ARMH3: variants seen among roughly 807,000 people sequenced by gnomAD.
The protein encoded by ARMH3 is armadillo-like helical domain-containing protein 3.
Under a neutral mutation model 99.1 loss-of-function variants are expected in ARMH3, and 60 were observed. The observed-to-expected ratio is 0.61, with a 90% confidence interval of 0.49 to 0.75. The LOEUF (loss-of-function observed/expected upper bound fraction) is 0.75. Ranked by LOEUF, ARMH3 falls within the 30% of genes least tolerant of loss-of-function variation. The pLI is 0.00. For synonymous variants in ARMH3, 285 were observed against 292.8 expected, an observed-to-expected ratio of 0.97 and a Z score of 0.27; for missense variants, 679 against 843.1, an observed-to-expected ratio of 0.81 and a Z score of 2.41.
intron 1 of ARMH3, among the ~76,000 whole-genome samples, chr10:102,048,548 TC>T (rs2067612853): frequency 6.6e-6 from 1 of 152,174 alleles, no homozygotes; most frequent in Admixed American, 6.5e-5. Context: ...TGCCTCAGCC[TC>T]CCAAGTAGCT....
chr10:102,011,654 G>A (rs1021801251), intron 11 of ARMH3, 69 bp downstream of exon 11: 52 of 1,336,386 alleles, frequency 3.9e-5, no homozygotes, highest in East Asian at 1.7e-4. Context: ...TTCGGAGCCC[G>A]ATTTGTCCAC....
rs867141989 is a variant in ARMH3, at chr10:101,979,561, G to A, written c.1407-4261C>T. ...CTTTATGCAAGGGTCGATTGAAAATGGTCTAAAATTAGTTTGTGGTAATAG... is the reference window on the plus strand; with the variant it reads ...CTTTATGCAAGGGTCGATTGAAAATAGTCTAAAATTAGTTTGTGGTAATAG... On this transcript the variant is annotated intron_variant, in intron 19 of 25. Transcript: ENST00000370033. Among the ~76,000 whole-genome samples the A allele has an allele frequency of 5.3e-4, 81 of 152,064 alleles. No individual in the cohort carries two copies. In the Middle Eastern group the frequency reaches 0.01, roughly 19 times the overall value.
chr10:101,902,492 G>A (rs2068005108), intron 23 of ARMH3, among the ~76,000 whole-genome samples: 1 of 152,086 alleles, frequency 6.6e-6, no homozygotes, highest in African/African-American at 2.4e-5. Context: ...GTCACTTGTG[G>A]CACTTCTGGG....
chr10:101,980,952 C>A (rs945374182), intron 19 of ARMH3, among the ~76,000 whole-genome samples: 3 of 151,868 alleles, frequency 2.0e-5, no homozygotes, highest in Non-Finnish European at 4.4e-5. Context: ...AGCAAACTAA[C>A]ACAAGAACAG....
chr10:101,893,607 A>C (rs2067745982), intron 23 of ARMH3, among the ~76,000 whole-genome samples: 1 of 152,042 alleles, frequency 6.6e-6, no homozygotes, highest in African/African-American at 2.4e-5. Flanking sequence ...TGGGGATCTA[A>C]TTCTCTTGCC....
At chr10:101,863,461 C>T (rs564253377) in intron 24 of ARMH3, among the ~76,000 whole-genome samples, 15 of 152,270 alleles carry the variant, frequency 9.9e-5, no homozygotes, top group African/African-American at 3.4e-4. Flanking sequence ...TTGAAGGTTT[C>T]CATACTACTT....
At chr10:101,870,381 A>G (rs1444465870) in intron 24 of ARMH3, among the ~76,000 whole-genome samples, 2 of 152,230 alleles carry the variant, frequency 1.3e-5, no homozygotes, top group African/African-American at 2.4e-5. Context: ...TGTTTTCCAC[A>G]GAAGTATACT....
rs773544784 is a variant in ARMH3, at chr10:101,995,294, T to C, written c.1209+3A>G. On this transcript the variant is annotated splice_donor_region_variant and intron_variant, in intron 16 of 25. Transcript: ENST00000370033. The stretch of plus-strand genomic sequence containing the variant: ...CTAATAGCAGAAGGCTCGTGAGACC[T>C]ACCTCTGCAATACATGTAAGGATAA... 1.9e-6 allele frequency: 3 copies of C among 1,613,044 alleles called. No individual in the cohort carries two copies. The highest frequency in any genetic ancestry group is 1.1e-5 in the South Asian group (1 of 90,996).
chr10:102,027,262 G>A (rs933334152), intron 5 of ARMH3, among the ~76,000 whole-genome samples: 1 of 142,640 alleles, frequency 7.0e-6, no homozygotes, highest in African/African-American at 2.6e-5. Context: ...CTAGGTGACA[G>A]AGTGAGATTC....
chr10:101,995,268 C>T (rs1847003345), intron 16 of ARMH3, 29 bp downstream of exon 16: 3 of 1,594,312 alleles, frequency 1.9e-6, no homozygotes, highest in East Asian at 4.5e-5. Flanking sequence ...TAAAAGACTG[C>T]CTAATAGCAG....
intron 24 of ARMH3, among the ~76,000 whole-genome samples, chr10:101,887,074 C>T (rs890127452): frequency 6.6e-5 from 10 of 152,194 alleles, no homozygotes. Flanking sequence ...GAGAGAAGTG[C>T]TCCAACACAT....
chr10:102,011,354 C>G (rs1444627390), intron 11 of ARMH3, among the ~76,000 whole-genome samples: 1 of 152,088 alleles, frequency 6.6e-6, no homozygotes, highest in Non-Finnish European at 1.5e-5. Flanking sequence ...AAGGTCAGTG[C>G]CTAAACGGAG....
intron 24 of ARMH3, among the ~76,000 whole-genome samples, chr10:101,887,361 C>A (rs1022736902): frequency 6.6e-6 from 1 of 151,972 alleles, no homozygotes; most frequent in Admixed American, 6.6e-5. Flanking sequence ...TACCTTAGCA[C>A]CACAACTTAT....
chr10:101,911,328 A>C (rs1842855472), intron 23 of ARMH3, among the ~76,000 whole-genome samples: 1 of 152,222 alleles, frequency 6.6e-6, no homozygotes, highest in African/African-American at 2.4e-5. Flanking sequence ...AAAAGAAGTG[A>C]GGGTTCTGTG....
chr10:101,944,267 TATATATAGAGAGAGAGAGAGAGAGAG>T (rs1451362060), intron 22 of ARMH3, among the ~76,000 whole-genome samples: 768 of 50,812 alleles, frequency 0.015, 1 homozygote, highest in East Asian at 0.074. Flanking sequence ...TATATATATA[TATATATAGAGAGAGAGAGAGAGAGAG>T]AGAGAGAGAG....
chr10:101,993,426 T>C, intron 17 of ARMH3, 112 bp downstream of exon 17: 1 of 746,024 alleles, frequency 1.3e-6, no homozygotes, highest in East Asian at 2.7e-5. Context: ...GCAAAGCCCT[T>C]TGGCACAACT....
At chr10:102,030,874 C>CT (rs2067114720) in intron 4 of ARMH3, among the ~76,000 whole-genome samples, 1 of 152,092 alleles carries the variant, frequency 6.6e-6, no homozygotes, top group African/African-American at 2.4e-5. Context: ...CAACCTCCAC[C>CT]TCCTGGGTTC....
intron 5 of ARMH3, among the ~76,000 whole-genome samples, chr10:102,026,282 C>T (rs2067000102): frequency 6.6e-6 from 1 of 152,158 alleles, no homozygotes; most frequent in Non-Finnish European, 1.5e-5. Flanking sequence ...CAGTTCAATT[C>T]AATAAATATG....
intron 22 of ARMH3, among the ~76,000 whole-genome samples, chr10:101,944,273 T>TATAGAGAG (rs1844401380): frequency 2.0e-4 from 5 of 25,404 alleles, no homozygotes; most frequent in Non-Finnish European, 2.6e-4. Context: ...TATATATATA[T>TATAGAGAG]AGAGAGAGAG....
Sources: gnomAD v4.1 joint callset for allele counts (sites outside exome capture counted in the v4.1 genomes callset) on GRCh38, gnomAD v4.1.1 for gene constraint, MANE v1.5 for transcripts, NCBI Gene and HGNC (gene_info 2026-07-23, HGNC 2026-07-21) for gene names.